DMD: variants seen among roughly 807,000 people sequenced by gnomAD.
DMD encodes the protein dystrophin.
A neutral mutation model predicts 330.1 loss-of-function variants in DMD; 63 were observed. That is an observed-to-expected ratio of 0.19 (90% CI 0.16 to 0.24). DMD has a LOEUF of 0.24. Among genes scored for constraint, DMD ranks in the 10% least tolerant of loss-of-function variants. The pLI, the probability that DMD is intolerant of heterozygous loss-of-function variation, is 1.00. For missense variants in DMD, 3,344 were observed against 2,684.1 expected, an observed-to-expected ratio of 1.25 and a Z score of -5.43; for synonymous variants, 1,223 against 959.8, an observed-to-expected ratio of 1.27 and a Z score of -5.07.
chrX:31,948,618 G>A (rs1295317958), intron 45 of DMD, among the ~76,000 whole-genome samples: 5 of 111,016 alleles, frequency 4.5e-5, no homozygotes. Flanking sequence ...GTTTTGATTT[G>A]CATTTCCCTG....
chrX:31,943,380 G>A (rs1272617865), intron 45 of DMD, among the ~76,000 whole-genome samples: 1 of 112,196 alleles, frequency 8.9e-6, no homozygotes, highest in African/African-American at 3.2e-5. Flanking sequence ...ACAATCATGA[G>A]CACTTTACAC....
At chrX:31,325,402 C>A (rs1195118688) in intron 61 of DMD, among the ~76,000 whole-genome samples, 1 of 101,186 alleles carries the variant, frequency 9.9e-6, no homozygotes, top group East Asian at 3.1e-4. Flanking sequence ...GAGTTCAAGA[C>A]CAGCCTGGCC....
chrX:31,291,257 T>A (rs1647488721), intron 62 of DMD, among the ~76,000 whole-genome samples: 1 of 111,262 alleles, frequency 9.0e-6, no homozygotes, highest in Admixed American at 9.6e-5. Context: ...TTTTTTTTAA[T>A]CTGAATTACT....
At chrX:32,652,364 C>A (rs755508701) in intron 9 of DMD, among the ~76,000 whole-genome samples, 2 of 99,989 alleles carry the variant, frequency 2.0e-5, no homozygotes, top group African/African-American at 7.4e-5. Context: ...TCAATTCCCA[C>A]CCATGAGTGA....
chrX:33,173,536 T>A (rs1026283014), intron 1 of DMD, among the ~76,000 whole-genome samples: 8 of 111,164 alleles, frequency 7.2e-5, no homozygotes, highest in Non-Finnish European at 1.5e-4. Flanking sequence ...CAGTGGCAGA[T>A]TCAGTGTATT....
intron 22 of DMD, among the ~76,000 whole-genome samples, chrX:32,471,409 T>G (rs1171251340): frequency 8.9e-6 from 1 of 112,293 alleles, no homozygotes; most frequent in Non-Finnish European, 1.9e-5. Flanking sequence ...AATGTCTCAT[T>G]ACATTACAGA....
chrX:32,918,627 A>C (rs2088082241), intron 2 of DMD, among the ~76,000 whole-genome samples: 1 of 112,257 alleles, frequency 8.9e-6, no homozygotes, highest in Non-Finnish European at 1.9e-5. Context: ...CTGGCATTAC[A>C]GGCATGAGCC....
At chrX:32,419,385 C>A (rs761974956) in intron 29 of DMD, among the ~76,000 whole-genome samples, 2 of 111,949 alleles carry the variant, frequency 1.8e-5, no homozygotes, top group African/African-American at 6.5e-5. Flanking sequence ...GTTCCTTGGA[C>A]AAGAAAGACT....
At chrX:31,904,119 C>T (rs1439030313) in intron 47 of DMD, among the ~76,000 whole-genome samples, 1 of 111,543 alleles carries the variant, frequency 9.0e-6, no homozygotes, top group Non-Finnish European at 1.9e-5. Context: ...CCATTCCAAT[C>T]ATGTATGTAT....
intron 29 of DMD, among the ~76,000 whole-genome samples, chrX:32,412,989 G>T (rs771146182): frequency 3.6e-5 from 4 of 111,045 alleles, no homozygotes; most frequent in Non-Finnish European, 7.5e-5. Flanking sequence ...TCTAGACTAA[G>T]GCAAAAGAAC....
At chrX:31,161,423 C>T (rs2038791266) in intron 74 of DMD, among the ~76,000 whole-genome samples, 1 of 111,916 alleles carries the variant, frequency 8.9e-6, no homozygotes, top group Non-Finnish European at 1.9e-5. Context: ...GAAATTTCCA[C>T]TTGAAATGTC....
At chrX:32,822,996 A>AT (rs369810343) in intron 5 of DMD, among the ~76,000 whole-genome samples, 1,257 of 111,998 alleles carry the variant, frequency 0.011, 15 homozygotes, top group African/African-American at 0.038. Flanking sequence ...TAGACAAGTT[A>AT]TAGAACATAC....
At chrX:32,591,499 G>C (rs564878150) in intron 13 of DMD, among the ~76,000 whole-genome samples, 2 of 111,782 alleles carry the variant, frequency 1.8e-5, no homozygotes, top group Admixed American at 9.5e-5. Flanking sequence ...TCTTTTTATA[G>C]TCTTTTTTCA....
intron 44 of DMD, among the ~76,000 whole-genome samples, chrX:32,129,232 TTTTG>T (rs1169343691): frequency 1.8e-5 from 2 of 111,974 alleles, no homozygotes; most frequent in Admixed American, 9.5e-5. Flanking sequence ...AATCCTCAAA[TTTTG>T]TTTTTCAGCT....
intron 9 of DMD, among the ~76,000 whole-genome samples, chrX:32,686,550 A>G (rs1483161021): frequency 1.2e-5 from 1 of 84,545 alleles, no homozygotes; most frequent in Non-Finnish European, 2.3e-5. Flanking sequence ...CAGAGCAAAA[A>G]CTCCATCTCA....
At chrX:31,979,212 C>T (rs6628663) in intron 44 of DMD, among the ~76,000 whole-genome samples, 2,154 of 111,237 alleles carry the variant, frequency 0.019, 38 homozygotes, top group East Asian at 0.13. Context: ...TACCACCACA[C>T]CCAGATAATT....
At chrX:31,487,422 G>A (rs966672925) in intron 57 of DMD, among the ~76,000 whole-genome samples, 6 of 110,472 alleles carry the variant, frequency 5.4e-5, no homozygotes, top group African/African-American at 1.6e-4. Flanking sequence ...TACCATGCCC[G>A]GCTAATTTTT....
chrX:33,328,564 A>T lies in DMD; in HGVS notation c.7+10695T>A, dbSNP rs1013329347. Among the ~76,000 whole-genome samples the T allele has an allele frequency of 7.2e-5, 8 of 111,592 alleles. No individual in the cohort carries two copies. In the East Asian group the frequency reaches 2.0e-3, roughly 28 times the overall value. On this transcript the variant is annotated intron_variant, in intron 1 of 17. Transcript: ENST00000288447. Reference sequence around the variant, plus strand: ...GTTAGCTGAAGATATTTTTGTTCACAAAATCAATGAGATTAATCACGCATC... The same window carrying T: ...GTTAGCTGAAGATATTTTTGTTCACTAAATCAATGAGATTAATCACGCATC...
chrX:32,381,207 T>C (rs765784525), intron 33 of DMD, among the ~76,000 whole-genome samples: 48 of 111,711 alleles, frequency 4.3e-4, no homozygotes, highest in Non-Finnish European at 7.7e-4. Flanking sequence ...GTGTCTCACA[T>C]CTGCTCAAAA....
Sources: gnomAD v4.1 joint callset for allele counts (sites outside exome capture counted in the v4.1 genomes callset) on GRCh38, gnomAD v4.1.1 for gene constraint, MANE v1.5 for transcripts, NCBI Gene and HGNC (gene_info 2026-07-23, HGNC 2026-07-21) for gene names.